The following SHISA9 variants were observed in gnomAD, a reference collection of about 807,000 sequenced individuals.
SHISA9 encodes shisa family member 9.
In SHISA9, 13 loss-of-function variants were observed where a neutral mutation model predicts 38.0. That is an observed-to-expected ratio of 0.34 (90% CI 0.22 to 0.54). The LOEUF is 0.54. SHISA9 is among the 20% of genes least tolerant of loss of function. The probability of loss-of-function intolerance (pLI) is 0.91; values close to 1 mark genes in which losing one functional copy is unlikely to be tolerated. For missense variants in SHISA9, 538 were observed against 575.8 expected, an observed-to-expected ratio of 0.93 and a Z score of 0.67; for synonymous variants, 275 against 242.0, an observed-to-expected ratio of 1.14 and a Z score of -1.27.
At chr16:13,168,275 G>A (rs1426214059) in intron 2 of SHISA9, among the ~76,000 whole-genome samples, 34 of 152,214 alleles carry the variant, frequency 2.2e-4, no homozygotes, top group Admixed American at 2.2e-3. Context: ...ACCAGGCTAT[G>A]TAGCAGCGAT....
the SHISA9 span, among the ~76,000 whole-genome samples, chr16:13,419,769 C>G: frequency 2.0e-5 from 3 of 152,140 alleles, no homozygotes; most frequent in Non-Finnish European, 4.4e-5. Flanking sequence ...AAGGCATAAA[C>G]AAATAAGCAT....
chr16:12,968,144 G>T (rs1249526740), intron 2 of SHISA9, among the ~76,000 whole-genome samples: 2 of 135,736 alleles, frequency 1.5e-5, no homozygotes, highest in African/African-American at 5.6e-5. Context: ...GACCTGAGGT[G>T]GCACCACTGC....
rs376011996 is a variant in SHISA9 at position 13,057,064 on chromosome 16, G to A, written c.691+140249G>A. Among the ~76,000 whole-genome samples the A allele has an allele frequency of 7.2e-5, 11 of 152,324 alleles. No homozygotes were observed. In the East Asian group the frequency reaches 1.4e-3, roughly 19 times the overall value. ...TGCAAAAGGAAAATACAAACTGGAA[G>A]CTAAAGGAATGGGCCTCGGTGCTAT... On this transcript the variant is annotated intron_variant, in intron 2 of 4. Coordinates refer to ENST00000558583, the MANE Select transcript of SHISA9 (RefSeq NM_001145204.3).
intron 2 of SHISA9, among the ~76,000 whole-genome samples, chr16:13,018,507 T>C (rs2072784039): frequency 6.6e-6 from 1 of 152,214 alleles, no homozygotes; most frequent in Admixed American, 6.5e-5. Flanking sequence ...GCTGTAACTT[T>C]GAGCAAGATG....
intron 2 of SHISA9, among the ~76,000 whole-genome samples, chr16:12,951,300 C>T (rs4354921): frequency 0.24 from 35,600 of 148,750 alleles, 4,673 homozygotes; most frequent in East Asian, 0.35. Flanking sequence ...CTGGCTCACG[C>T]TTGTGGCTCT....
At chr16:13,121,612 A>G (rs989975282) in intron 2 of SHISA9, among the ~76,000 whole-genome samples, 1 of 152,206 alleles carries the variant, frequency 6.6e-6, no homozygotes, top group African/African-American at 2.4e-5. Flanking sequence ...GCAGTCTAAT[A>G]TACAAATAAT....
chr16:13,247,215 A>C, the SHISA9 span, among the ~76,000 whole-genome samples: 9 of 152,088 alleles, frequency 5.9e-5, no homozygotes, highest in South Asian at 2.1e-4. Flanking sequence ...TGAGAACAGC[A>C]TGGGGGAACT....
At chr16:13,139,523 G>T (rs147032147) in intron 2 of SHISA9, among the ~76,000 whole-genome samples, 1 of 146,998 alleles carries the variant, frequency 6.8e-6, no homozygotes, top group African/African-American at 2.5e-5. Flanking sequence ...TTACTTTATC[G>T]GTAAAGTAGA....
At chr16:13,390,403 A>G in the SHISA9 span, among the ~76,000 whole-genome samples, 3 of 152,058 alleles carry the variant, frequency 2.0e-5, no homozygotes, top group African/African-American at 7.2e-5. Flanking sequence ...GTTGTGGTCC[A>G]GTTCTGTCTC....
intron 4 of SHISA9, among the ~76,000 whole-genome samples, chr16:13,233,309 AGAAGGAAG>A (rs34532600): frequency 1.1e-4 from 17 of 151,562 alleles, no homozygotes; most frequent in Non-Finnish European, 2.4e-4. Flanking sequence ...AGAGAGAGGA[AGAAGGAAG>A]GAAGGAAGGA....
chr16:13,112,835 C>T (rs1054413904), intron 2 of SHISA9, among the ~76,000 whole-genome samples: 1 of 152,098 alleles, frequency 6.6e-6, no homozygotes, highest in Non-Finnish European at 1.5e-5. Flanking sequence ...GGTTGACATT[C>T]TTCCTGAAAC....
the SHISA9 span, among the ~76,000 whole-genome samples, chr16:13,366,363 T>C: frequency 6.6e-6 from 1 of 152,236 alleles, no homozygotes; most frequent in Non-Finnish European, 1.5e-5. Context: ...AAATGTGTTT[T>C]CATTTACAGT....
the SHISA9 span, among the ~76,000 whole-genome samples, chr16:13,306,623 C>G: frequency 6.6e-6 from 1 of 152,156 alleles, no homozygotes; most frequent in African/African-American, 2.4e-5. Flanking sequence ...GATCCACTTC[C>G]AAGATGATTC....
At chr16:13,412,022 G>C in the SHISA9 span, among the ~76,000 whole-genome samples, 1 of 152,124 alleles carries the variant, frequency 6.6e-6, no homozygotes, top group South Asian at 2.1e-4. Context: ...GTTCATCTCT[G>C]CCATGTCTGG....
rs1232760168 is a variant in SHISA9 at position 13,236,447 on chromosome 16, C to A, written c.*1038C>A. On this transcript the variant is annotated 3_prime_UTR_variant, in exon 5 of 5. Transcript: ENST00000558583. Reference sequence around the variant, plus strand: ...CCAAGACCTGAAACAGCCACAGAAACAAGTCCTCTATAAACTGTATGTCCC... The same window carrying A: ...CCAAGACCTGAAACAGCCACAGAAAAAAGTCCTCTATAAACTGTATGTCCC... 2 of 152,260 alleles carry A rather than the reference C, an allele frequency of 1.3e-5. 1 individual carries two copies. The highest frequency in any genetic ancestry group is 4.1e-4 in the South Asian group (2 of 4,824). 9.4% of individuals were successfully genotyped at this position (152,260 alleles called of 1,614,324 possible).
intron 2 of SHISA9, among the ~76,000 whole-genome samples, chr16:13,007,309 A>G (rs1366477349): frequency 2.6e-5 from 4 of 152,086 alleles, no homozygotes; most frequent in Non-Finnish European, 5.9e-5. Context: ...CAAACCAGAG[A>G]TGGGGAACTC....
chr16:13,397,649 T>A, the SHISA9 span, among the ~76,000 whole-genome samples: 1 of 152,150 alleles, frequency 6.6e-6, no homozygotes, highest in African/African-American at 2.4e-5. Flanking sequence ...TTGGCCAGGA[T>A]GGTCTTGATC....
intron 2 of SHISA9, among the ~76,000 whole-genome samples, chr16:13,089,439 T>C (rs2073750171): frequency 6.6e-6 from 1 of 152,202 alleles, no homozygotes; most frequent in African/African-American, 2.4e-5. Context: ...CCTGGACTTT[T>C]TTTGGTTGGT....
At chr16:13,333,173 C>CAT in the SHISA9 span, among the ~76,000 whole-genome samples, 1 of 152,168 alleles carries the variant, frequency 6.6e-6, no homozygotes, top group Non-Finnish European at 1.5e-5. Flanking sequence ...GCAATTGGAA[C>CAT]ATCCATACAA....
Sources: allele counts gnomAD v4.1 joint callset (sites outside exome capture counted in the v4.1 genomes callset), GRCh38; gene constraint gnomAD v4.1.1; transcripts MANE v1.5; gene names NCBI Gene and HGNC (gene_info 2026-07-23, HGNC 2026-07-21).